Variants in SHANK2 observed in about 807,000 individuals in gnomAD.
SHANK2 encodes the protein SH3 and multiple ankyrin repeat domains 2.
Under a neutral mutation model 133.7 loss-of-function variants are expected in SHANK2, and 43 were observed. That is an observed-to-expected ratio of 0.32 (90% confidence interval 0.25 to 0.41). The LOEUF is 0.41. Ranked by LOEUF, SHANK2 falls within the 10% of genes least tolerant of loss-of-function variation. The probability of loss-of-function intolerance (pLI) is 1.00; values close to 1 mark genes in which losing one functional copy is unlikely to be tolerated. For synonymous variants in SHANK2, 1,017 were observed against 952.8 expected, an observed-to-expected ratio of 1.07 and a Z score of -1.24; for missense variants, 1,994 against 2,235.8, an observed-to-expected ratio of 0.89 and a Z score of 2.18.
intron 14 of SHANK2, among the ~76,000 whole-genome samples, chr11:70,761,548 C>A (rs1555040228): frequency 6.6e-6 from 1 of 152,222 alleles, no homozygotes; most frequent in African/African-American, 2.4e-5. Flanking sequence ...CTCTATGGGT[C>A]CTCTGGCTCA....
chr11:71,155,154 GAGTGGACCTACCCCA>G (rs1952879913), intron 2 of SHANK2, among the ~76,000 whole-genome samples: 1 of 89,184 alleles, frequency 1.1e-5, no homozygotes, highest in African/African-American at 4.8e-5. Context: ...CCCGGAGGAG[GAGTGGACCTACCCCA>G]GCCCAAGCTC....
chr11:71,250,910 A>C (rs1026971140), intron 1 of SHANK2, among the ~76,000 whole-genome samples: 1 of 152,198 alleles, frequency 6.6e-6, no homozygotes, highest in Non-Finnish European at 1.5e-5. Flanking sequence ...TGGAAGCTTA[A>C]TTAGCTGATT....
chr11:71,246,016 C>T (rs1280128064), intron 1 of SHANK2, among the ~76,000 whole-genome samples: 6 of 152,154 alleles, frequency 3.9e-5, no homozygotes, highest in Admixed American at 3.9e-4. Flanking sequence ...ACAGGAACGG[C>T]TGAGCCCTAT....
At position 70,473,488 on chromosome 11, in the gene SHANK2, A is replaced by G; in HGVS notation, c.4980-49T>C. 1 of 1,583,962 alleles carries G rather than the reference A, an allele frequency of 6.3e-7. No individual in the cohort carries two copies. Among genetic ancestry groups the G allele is most frequent in the Non-Finnish European group, 8.6e-7 (1 of 1,167,038 alleles). On this transcript the variant is annotated intron_variant, in intron 25 of 25. Transcript: ENST00000601538. The surrounding 1 kb of genome is among the most constrained non-coding windows in gnomAD (Gnocchi z 5.9). ...CCATCACAAGGCAGGTCACCGAGTC[A>G]GGGCAGCTGGCTGCAGATCACCCAG...
intron 15 of SHANK2, among the ~76,000 whole-genome samples, chr11:70,682,255 C>T (rs576586502): frequency 2.0e-5 from 3 of 152,284 alleles, no homozygotes; most frequent in South Asian, 4.2e-4. Flanking sequence ...CACCCCCGGA[C>T]GGTTACTAGG....
intron 10 of SHANK2, among the ~76,000 whole-genome samples, chr11:70,898,794 G>A (rs1177343059): frequency 2.0e-5 from 3 of 152,216 alleles, no homozygotes; most frequent in Non-Finnish European, 2.9e-5. Context: ...GGCAAAAAGT[G>A]AAAAAGCCTA....
intron 2 of SHANK2, among the ~76,000 whole-genome samples, chr11:71,171,976 G>A (rs1953323314): frequency 1.3e-5 from 2 of 152,154 alleles, no homozygotes; most frequent in South Asian, 4.1e-4. Context: ...CTGAGACCCT[G>A]GGCCTGGGAG....
At chr11:71,073,156 C>CTTTTTTTTTTTTTTTTTTTTTTTT (rs1198101078) in intron 9 of SHANK2, among the ~76,000 whole-genome samples, 3 of 40,780 alleles carry the variant, frequency 7.4e-5, no homozygotes, top group African/African-American at 6.8e-5. Context: ...TCTTTTTTTT[C>CTTTTTTTTTTTTTTTTTTTTTTTT]TTTTTTTTCT....
At chr11:71,126,722 CGA>C (rs1952195591) in intron 3 of SHANK2, among the ~76,000 whole-genome samples, 1 of 143,038 alleles carries the variant, frequency 7.0e-6, no homozygotes, top group Admixed American at 6.9e-5. Context: ...CCCTCATAAA[CGA>C]CTTTTTTTTT....
intron 17 of SHANK2, among the ~76,000 whole-genome samples, chr11:70,560,028 C>T (rs544495237): frequency 6.7e-4 from 102 of 152,214 alleles, no homozygotes; most frequent in Non-Finnish European, 1.2e-3. Flanking sequence ...CACACCACCA[C>T]GCCAAGCTAA....
chr11:70,683,089 G>A (rs1015226863), intron 15 of SHANK2, among the ~76,000 whole-genome samples: 4 of 152,124 alleles, frequency 2.6e-5, no homozygotes, highest in Admixed American at 1.3e-4. Context: ...TCTCCACCAG[G>A]CTCACCGCTG....
chr11:70,919,222 T>G (rs1565405752), intron 10 of SHANK2, among the ~76,000 whole-genome samples: 1 of 152,088 alleles, frequency 6.6e-6, no homozygotes, highest in African/African-American at 2.4e-5. Flanking sequence ...AATGGCTAAA[T>G]CGAGCTGATG....
chr11:70,867,036 C>T (rs78487574), intron 11 of SHANK2, among the ~76,000 whole-genome samples: 1,641 of 151,682 alleles, frequency 0.011, 28 homozygotes, highest in African/African-American at 0.036. Context: ...GAATGATATG[C>T]CGTGGACACC....
In SHANK2 at chr11:70,955,420, GGGGTGTGT is replaced by G. The variant is rs1950904717; in HGVS notation, c.1108-58861_1108-58854del. On this transcript the variant is annotated intron_variant, in intron 10 of 25. Transcript: ENST00000601538. ...GGGTTCTCCAGAGACACAGACCCAC[GGGGTGTGT>G]GTGTGTGTGTGTGTGTGTGTGTGTG... Among the ~76,000 whole-genome samples, 3 of 72,654 alleles carry G rather than the reference GGGGTGTGT, an allele frequency of 4.1e-5. No individual in the cohort carries two copies. The South Asian group carries it at 1.9e-3, about 47-fold the overall frequency. The allele number at this position is 72,654 out of a possible 152,430, so 47.7% of individuals were successfully genotyped here. A position where few individuals can be genotyped will look rare whatever the true frequency, so the allele number is the denominator to read the frequency against.
chr11:70,516,904 C>T (rs781804941), intron 17 of SHANK2, among the ~76,000 whole-genome samples: 2 of 151,996 alleles, frequency 1.3e-5, no homozygotes, highest in African/African-American at 4.8e-5. Flanking sequence ...GAAACCCCGT[C>T]TCTTATAAAA....
intron 1 of SHANK2, among the ~76,000 whole-genome samples, chr11:71,241,769 C>T (rs1555124452): frequency 1.3e-5 from 2 of 152,230 alleles, no homozygotes; most frequent in African/African-American, 4.8e-5. Context: ...CTACTTTCTC[C>T]TGAGACCCAT....
intron 17 of SHANK2, among the ~76,000 whole-genome samples, chr11:70,586,032 C>T (rs1423437328): frequency 2.0e-5 from 3 of 152,174 alleles, no homozygotes; most frequent in African/African-American, 7.2e-5. Context: ...CAACCCTGAC[C>T]TTGTGGAGTT....
chr11:71,196,286 T>G (rs1555116190), intron 2 of SHANK2, among the ~76,000 whole-genome samples: 1 of 152,144 alleles, frequency 6.6e-6, no homozygotes, highest in African/African-American at 2.4e-5. Flanking sequence ...TCTGGTTTTT[T>G]GTTTTTTTCT....
intron 10 of SHANK2, among the ~76,000 whole-genome samples, chr11:70,925,038 C>T (rs1357890403): frequency 3.9e-5 from 6 of 152,240 alleles, no homozygotes; most frequent in South Asian, 2.1e-4. Flanking sequence ...CTTCCCTCCA[C>T]CAAGCGGTCA....
Sources: allele counts gnomAD v4.1 joint callset (sites outside exome capture counted in the v4.1 genomes callset), GRCh38; gene constraint gnomAD v4.1.1; non-coding constraint Gnocchi (gnomAD v3.1); transcripts MANE v1.5; gene names NCBI Gene and HGNC (gene_info 2026-07-23, HGNC 2026-07-21).